Variants in KHK observed in about 807,000 individuals in gnomAD.
The protein encoded by KHK is ketohexokinase.
Under a neutral mutation model 36.0 loss-of-function variants are expected in KHK, and 37 were observed. The ratio of observed to expected loss-of-function variants is 1.03; its 90% CI spans 0.79 to 1.35. The LOEUF (loss-of-function observed/expected upper bound fraction) is 1.35. Ranked by LOEUF, KHK falls within the 40% of genes most tolerant of loss-of-function variation. The probability of loss-of-function intolerance (pLI) is 0.00; values close to 1 mark genes in which losing one functional copy is unlikely to be tolerated. For synonymous variants in KHK, 161 were observed against 162.8 expected (o/e 0.99, Z 0.08); for missense variants, 395 against 391.9 (o/e 1.01, Z -0.07).
At position 27,090,614 on chromosome 2, in the gene KHK, C is replaced by T. The variant is rs186388905; in HGVS notation, c.93-1718C>T. On this transcript the variant is annotated intron_variant, in intron 1 of 7. Transcript: ENST00000260598. ...GGATTACAGGCACCTGCCACCACAC[C>T]CGGCTCATTTTTGTATTTTTAGTAG... Among the ~76,000 whole-genome samples, 1,004 of 152,002 alleles carry T rather than the reference C, an allele frequency of 6.6e-3. 5 individuals are homozygous for T. Among genetic ancestry groups the T allele is most frequent in the Middle Eastern group, 0.014 (4 of 294 alleles).
chr2:27,094,514 C>G, intron 2 of KHK: 1 of 1,614,012 alleles, frequency 6.2e-7, no homozygotes. Context: ...TTCTGTGGAC[C>G]TACGCTACAC....
chr2:27,099,607 C>T (rs780015909), intron 7 of KHK, 30 bp downstream of exon 7: 2 of 1,614,146 alleles, frequency 1.2e-6, no homozygotes, highest in Non-Finnish European at 1.7e-6. Flanking sequence ...GGGAAAAGGA[C>T]TGGGACCTGT....
At position 27,099,796 on chromosome 2, in the gene KHK, C is replaced by G; in HGVS notation, c.*46C>G. The G allele has an allele frequency of 6.3e-7, 1 of 1,599,084 alleles. No individual in the cohort carries two copies. Among genetic ancestry groups the G allele is most frequent in the Non-Finnish European group, 8.5e-7 (1 of 1,173,034 alleles). ...CACACCATGGAGACTACCATTGCGG[C>G]TGCATCGCCTTCTCCCCTCCATCCA... On this transcript the variant is annotated 3_prime_UTR_variant, in exon 8 of 8. Transcript: ENST00000260598.
Position 27,097,620 on chromosome 2 carries a change from C to G in KHK, c.535C>G (p.Leu179Val). ...SVEVEKPREE[L>V]FQLFGYGDVV... Reference sequence around the variant, plus strand: ...GGAGGTGGAGAAGCCACGAGAGGAGCTCTTCCAGCTGTTTGGCTACGGAGA... The same window carrying G: ...GGAGGTGGAGAAGCCACGAGAGGAGGTCTTCCAGCTGTTTGGCTACGGAGA... Residue 179 changes from leucine (L) to valine (V), a missense_variant, in exon 5 of 8, where the codon CTC becomes GTC. By Grantham distance (32) the Leu-to-Val change is conservative (BLOSUM62 1). Coordinates refer to ENST00000260598, the MANE Select transcript of KHK (RefSeq NM_006488.3). The G allele has an allele frequency of 6.2e-7, 1 of 1,614,142 alleles. No individual in the cohort carries two copies. Among genetic ancestry groups the G allele is most frequent in the Non-Finnish European group, 8.5e-7 (1 of 1,180,052 alleles).
chr2:27,097,872 T>C (rs938406342), intron 5 of KHK, among the ~76,000 whole-genome samples: 13 of 152,100 alleles, frequency 8.5e-5, no homozygotes, highest in African/African-American at 3.1e-4. Flanking sequence ...CCACCCCAGG[T>C]GGGTGCATAG....
intron 4 of KHK, 115 bp from the exon 5 acceptor site, chr2:27,097,388 C>A: frequency 1.4e-6 from 2 of 1,389,894 alleles, no homozygotes; most frequent in Admixed American, 1.8e-5. Flanking sequence ...GGGGTTCTAG[C>A]CCAGCCTCCC....
At position 27,093,079 on chromosome 2, in the gene KHK, C is replaced by T. The variant is rs3769140; in HGVS notation, c.209+631C>T. On this transcript the variant is annotated intron_variant, in intron 2 of 7. Coordinates refer to ENST00000260598, the MANE Select transcript of KHK (RefSeq NM_006488.3). Reference sequence around the variant, plus strand: ...AGAGCCCTTTGACCCCTGGCGCTGCCGACTCAGCAAGCACTTATCGGGAGG... The same window carrying T: ...AGAGCCCTTTGACCCCTGGCGCTGCTGACTCAGCAAGCACTTATCGGGAGG... 1.4e-4 allele frequency among the ~76,000 whole-genome samples: 21 copies of T among 152,298 alleles called. No homozygotes were observed. In the East Asian group the frequency reaches 2.3e-3, roughly 17 times the overall value.
At position 27,099,856 on chromosome 2, in the gene KHK, A is replaced by G; in HGVS notation, c.*106A>G. On this transcript the variant is annotated 3_prime_UTR_variant, in exon 8 of 8. Coordinates refer to ENST00000260598, the MANE Select transcript of KHK (RefSeq NM_006488.3). The stretch of plus-strand genomic sequence containing the variant: ...CCAGGTTGCCCTGTTCAGGGGACAG[A>G]TGCAAGCTGTGGGGAGGACTCTGCC... The G allele has an allele frequency of 6.4e-7, 1 of 1,552,564 alleles. No individual in the cohort carries two copies. Among genetic ancestry groups the G allele is most frequent in the Non-Finnish European group, 8.7e-7 (1 of 1,148,310 alleles).
intron 5 of KHK, chr2:27,098,981 T>C (rs1670593752): frequency 5.7e-6 from 3 of 526,082 alleles, no homozygotes; most frequent in Non-Finnish European, 1.0e-5. Context: ...AGGAAGATCA[T>C]ATGGGGCCAG....
At position 27,099,491 on chromosome 2, in the gene KHK, C is replaced by T. The variant is rs992781636; in HGVS notation, c.725C>T (p.Ser242Leu). The change falls in exon 7 of 8, where the codon TCG becomes TTG. Residue 242 changes from serine (S) to leucine (L), a missense_variant. Coordinates refer to ENST00000260598, the MANE Select transcript of KHK (RefSeq NM_006488.3). ...ALGPDGKLLH[S>L]DAFPPPRVVD... ...GGCCCTGATGGCAAATTGCTCCACT[C>T]GGATGCTTTCCCGCCACCCCGCGTG... is the stretch of plus-strand genomic sequence containing the variant. The T allele has an allele frequency of 1.5e-5, 24 of 1,614,142 alleles. No homozygotes were observed. The highest frequency in any genetic ancestry group is 1.6e-4 in the Middle Eastern group (1 of 6,062).
chr2:27,090,822 G>A (rs900612297), intron 1 of KHK, among the ~76,000 whole-genome samples: 1 of 151,884 alleles, frequency 6.6e-6, no homozygotes, highest in Non-Finnish European at 1.5e-5. Context: ...GGGAGGCCAA[G>A]GCAGGAGGAT....
In KHK at chr2:27,092,384, G is replaced by A. The variant is rs2304681; in HGVS notation, c.145G>A (p.Val49Ile). 0.37 allele frequency: 595,950 copies of A among 1,613,034 alleles called. 113,460 individuals carry two copies. Among genetic ancestry groups the A allele is most frequent in the Admixed American group, 0.58 (35,009 of 60,008 alleles). Reference sequence around the variant, plus strand: ...AGGCAACGCGTCCAACTCCTGCACCGTTCTCTCCCTGCTCGGAGCCCCCTG... The same window carrying A: ...AGGCAACGCGTCCAACTCCTGCACCATTCTCTCCCTGCTCGGAGCCCCCTG... The part of the protein sequence containing the change: ...RGGNASNSCT[V>I]LSLLGAPCAF... The change falls in exon 2 of 8, where the codon GTT becomes ATT. Residue 49 changes from valine (V) to isoleucine (I), a missense_variant. Coordinates refer to ENST00000260598, the MANE Select transcript of KHK (RefSeq NM_006488.3).
chr2:27,093,739 T>C (rs1324223059), intron 2 of KHK, among the ~76,000 whole-genome samples: 1 of 152,148 alleles, frequency 6.6e-6, no homozygotes, highest in African/African-American at 2.4e-5. Context: ...TGCCTGTCCA[T>C]AGAGGGCTGG....
rs543539997 is a variant in KHK at position 27,099,173 on chromosome 2, A to G, written c.565-23A>G. 30 of 1,612,312 alleles carry G rather than the reference A, an allele frequency of 1.9e-5. 1 individual carries two copies. The South Asian group carries it at 2.9e-4, about 15-fold the overall frequency. On this transcript the variant is annotated intron_variant, in intron 5 of 7. Coordinates refer to ENST00000260598, the MANE Select transcript of KHK (RefSeq NM_006488.3). ...GAATGACGAGTTAGAAGTGACCACC[A>G]GCTTCTCTTCCACTGCCCACAGGTG...
rs1357061584 is a variant in KHK at position 27,099,792 on chromosome 2, GC to G, written c.*43del. The G allele has an allele frequency of 1.2e-6, 2 of 1,604,148 alleles. No homozygotes were observed. The highest frequency in any genetic ancestry group is 4.5e-5 in the East Asian group (2 of 44,226). Reference sequence around the variant, plus strand: ...CTCACACACCATGGAGACTACCATTGCGGCTGCATCGCCTTCTCCCCTCCAT... The same window carrying G: ...CTCACACACCATGGAGACTACCATTGGGCTGCATCGCCTTCTCCCCTCCAT... On this transcript the variant is annotated 3_prime_UTR_variant, in exon 8 of 8. Transcript: ENST00000260598.
chr2:27,097,420 CCA>C (rs1670423740), intron 4 of KHK, 81 bp from the exon 5 acceptor site: 1 of 1,589,216 alleles, frequency 6.3e-7, no homozygotes, highest in Non-Finnish European at 8.6e-7. Flanking sequence ...CCCTCCTCAC[CCA>C]GAGTTTCAGC....
In KHK at chr2:27,099,709, G is replaced by A. The variant is rs753207988; in HGVS notation, c.856G>A (p.Gly286Ser). The A allele has an allele frequency of 2.7e-5, 44 of 1,614,014 alleles. No homozygotes were observed. Among genetic ancestry groups the A allele is most frequent in the East Asian group, 1.1e-4 (5 of 44,870 alleles). Residue 286 changes from glycine (G) to serine (S), a missense_variant, in exon 8 of 8, where the codon GGC becomes AGC. Physicochemically the swap from Gly to Ser is moderately conservative, Grantham distance 56. Coordinates refer to ENST00000260598, the MANE Select transcript of KHK (RefSeq NM_006488.3). Reference sequence around the variant, plus strand: ...ACTGAGATTCGGGTGCCAGGTGGCCGGCAAGAAGTGTGGCCTGCAGGGCTT... The same window carrying A: ...ACTGAGATTCGGGTGCCAGGTGGCCAGCAAGAAGTGTGGCCTGCAGGGCTT... ...EALRFGCQVAGKKCGLQGFDG... is the reference protein window; with the variant it reads ...EALRFGCQVASKKCGLQGFDG...
At chr2:27,090,550 G>T (rs1161854988) in intron 1 of KHK, among the ~76,000 whole-genome samples, 1 of 149,716 alleles carries the variant, frequency 6.7e-6, no homozygotes, top group Non-Finnish European at 1.5e-5. Context: ...TGCCTCCCGG[G>T]TTCAAAAGAT....
Position 27,097,721 on chromosome 2 carries a change from T to C in KHK, c.564+72T>C, listed in dbSNP as rs1670465247. 3.1e-6 allele frequency: 5 copies of C among 1,592,492 alleles called. No individual in the cohort carries two copies. The South Asian group carries it at 5.5e-5, about 18-fold the overall frequency. On this transcript the variant is annotated intron_variant, in intron 5 of 7. Coordinates refer to ENST00000260598, the MANE Select transcript of KHK (RefSeq NM_006488.3). ...TTCTTAAAGGGAGCCAGAATCCTTT[T>C]ATCCTGCCTACCACAATTGGAATAG...
Sources: allele counts gnomAD v4.1 joint callset (sites outside exome capture counted in the v4.1 genomes callset), GRCh38; gene constraint gnomAD v4.1.1; transcripts MANE v1.5; gene names NCBI Gene and HGNC (gene_info 2026-07-23, HGNC 2026-07-21).